The following WWOX variants were observed in gnomAD, a reference collection of about 807,000 sequenced individuals.
WWOX encodes the protein WW domain-containing oxidoreductase.
A neutral mutation model predicts 46.2 loss-of-function variants in WWOX; 69 were observed. The ratio of observed to expected loss-of-function variants is 1.49; its 90% confidence interval spans 1.23 to 1.82. The LOEUF (loss-of-function observed/expected upper bound fraction) is 1.82. WWOX is among the 40% of genes most tolerant of loss of function. The probability of loss-of-function intolerance (pLI) is 0.00; values close to 1 mark genes in which losing one functional copy is unlikely to be tolerated. For synonymous variants in WWOX, 359 were observed against 202.6 expected (o/e 1.77, Z -6.56); for missense variants, 919 against 542.6 (o/e 1.69, Z -6.89).
intron 8 of WWOX, among the ~76,000 whole-genome samples, chr16:78,533,775 G>T (rs1213171106): frequency 2.0e-5 from 3 of 152,154 alleles, no homozygotes; most frequent in African/African-American, 7.2e-5. Context: ...GGATGAAGTT[G>T]TAGGCCCCTC....
intron 5 of WWOX, among the ~76,000 whole-genome samples, chr16:78,363,582 T>A (rs2081462035): frequency 6.6e-6 from 1 of 152,104 alleles, no homozygotes; most frequent in African/African-American, 2.4e-5. Flanking sequence ...CCAGGCCAGT[T>A]TTAACTCAGA....
intron 8 of WWOX, among the ~76,000 whole-genome samples, chr16:78,978,583 CA>C (rs2046618212): frequency 6.6e-6 from 1 of 152,150 alleles, no homozygotes; most frequent in Non-Finnish European, 1.5e-5. Flanking sequence ...CATGATTCTG[CA>C]GGCTGCACAG....
rs2081151049 is a variant in WWOX, at chr16:78,349,580, G to T, written c.517-37280G>T. Among the ~76,000 whole-genome samples the T allele has an allele frequency of 2.5e-5, 3 of 120,276 alleles. 1 individual carries two copies. The highest frequency in any genetic ancestry group is 4.0e-5 in the Non-Finnish European group (2 of 50,412). 78.9% of individuals were successfully genotyped at this position (120,276 alleles called of 152,430 possible). ...CTGACTGTCTTGCCTGGTGCTGCAG[G>T]CCACCTTCACAGCCTTGCCATACCT... On this transcript the variant is annotated intron_variant, in intron 5 of 8. Transcript: ENST00000566780.
chr16:79,207,519 ATT>A (rs1025780939), intron 8 of WWOX, among the ~76,000 whole-genome samples: 2 of 152,182 alleles, frequency 1.3e-5, no homozygotes, highest in Non-Finnish European at 2.9e-5. Flanking sequence ...TTAATTCAGC[ATT>A]TGCTGTGCAA....
chr16:78,920,666 A>G (rs534680376), intron 8 of WWOX, among the ~76,000 whole-genome samples: 38 of 152,218 alleles, frequency 2.5e-4, no homozygotes, highest in Admixed American at 1.9e-3. Context: ...TCTTGGAAAC[A>G]CTCCTTTGTC....
intron 8 of WWOX, among the ~76,000 whole-genome samples, chr16:78,731,132 A>C (rs1162653711): frequency 6.6e-6 from 1 of 152,120 alleles, no homozygotes; most frequent in East Asian, 1.9e-4. Context: ...ATCTGGTTTA[A>C]CTGGGCTGTG....
At chr16:78,941,398 C>G (rs2045848503) in intron 8 of WWOX, among the ~76,000 whole-genome samples, 1 of 152,010 alleles carries the variant, frequency 6.6e-6, no homozygotes, top group African/African-American at 2.4e-5. Context: ...AAAGAAAGCC[C>G]TGGAGACAGA....
intron 8 of WWOX, among the ~76,000 whole-genome samples, chr16:78,730,309 C>G (rs1030294218): frequency 1.3e-5 from 2 of 152,140 alleles, no homozygotes; most frequent in South Asian, 2.1e-4. Flanking sequence ...GCCTCCTTCC[C>G]TCTCTGCCTC....
chr16:78,167,049 C>T (rs1002688427), intron 5 of WWOX: 2 of 152,184 alleles, frequency 1.3e-5, no homozygotes, highest in Non-Finnish European at 2.9e-5. Context: ...ACTATGGTAA[C>T]CTGATTGTAC....
chr16:79,190,657 A>G (rs908666747), intron 8 of WWOX, among the ~76,000 whole-genome samples: 1 of 152,210 alleles, frequency 6.6e-6, no homozygotes, highest in African/African-American at 2.4e-5. Context: ...ATGATTAACT[A>G]CTTGGCATTA....
intron 8 of WWOX, among the ~76,000 whole-genome samples, chr16:79,038,332 A>G (rs752442572): frequency 2.0e-5 from 3 of 152,224 alleles, no homozygotes; most frequent in Non-Finnish European, 2.9e-5. Context: ...AATGAAAAAT[A>G]AGAAGAAAAT....
chr16:78,325,721 G>A (rs921821238), intron 5 of WWOX, among the ~76,000 whole-genome samples: 1 of 152,168 alleles, frequency 6.6e-6, no homozygotes, highest in South Asian at 2.1e-4. Context: ...GTTTTTCATG[G>A]GACTGTAACC....
chr16:79,126,547 G>A (rs975604948), intron 8 of WWOX, among the ~76,000 whole-genome samples: 12 of 152,022 alleles, frequency 7.9e-5, no homozygotes, highest in Non-Finnish European at 1.0e-4. Context: ...CTTCCCCTTC[G>A]TCTTCTGCCA....
In WWOX at chr16:78,588,633, T is replaced by C. The variant is rs187144801; in HGVS notation, c.1056+155881T>C. Reference sequence around the variant, plus strand: ...TGAGGCTCAGAGAAAGTGAGGTCATTGAGTCACTTGAGTTCTTGTTGAGTG... The same window carrying C: ...TGAGGCTCAGAGAAAGTGAGGTCATCGAGTCACTTGAGTTCTTGTTGAGTG... On this transcript the variant is annotated intron_variant, in intron 8 of 8. Transcript: ENST00000566780. 8.9e-4 allele frequency among the ~76,000 whole-genome samples: 136 copies of C among 152,318 alleles called. 2 individuals carry two copies. In the East Asian group the frequency reaches 0.02, roughly 22 times the overall value.
chr16:79,165,653 C>G (rs1410264772), intron 8 of WWOX, among the ~76,000 whole-genome samples: 2 of 152,150 alleles, frequency 1.3e-5, no homozygotes, highest in Non-Finnish European at 2.9e-5. Flanking sequence ...CTGCCTACAG[C>G]TGGTTTTACG....
intron 5 of WWOX, among the ~76,000 whole-genome samples, chr16:78,176,032 C>A (rs1597311226): frequency 6.6e-6 from 1 of 152,148 alleles, no homozygotes; most frequent in South Asian, 2.1e-4. Context: ...CCCGCTTTGG[C>A]ATAAGTTCCT....
At chr16:78,469,525 G>A (rs183709372) in intron 8 of WWOX, among the ~76,000 whole-genome samples, 44 of 152,266 alleles carry the variant, frequency 2.9e-4, no homozygotes, top group Middle Eastern at 3.4e-3. Flanking sequence ...GTTTAAACTA[G>A]ACATTCCCTG....
intron 8 of WWOX, among the ~76,000 whole-genome samples, chr16:78,548,271 C>T (rs1043622000): frequency 1.3e-5 from 2 of 150,760 alleles, no homozygotes; most frequent in Non-Finnish European, 2.9e-5. Flanking sequence ...TCTTCAAAAA[C>T]TTGGCAGTAG....
intron 5 of WWOX, among the ~76,000 whole-genome samples, chr16:78,210,978 AT>A (rs1325852281): frequency 3.3e-5 from 5 of 152,236 alleles, no homozygotes; most frequent in African/African-American, 1.2e-4. Flanking sequence ...GGCTTTAACT[AT>A]GAAACAAATT....
Sources: allele counts gnomAD v4.1 joint callset (sites outside exome capture counted in the v4.1 genomes callset), GRCh38; gene constraint gnomAD v4.1.1; transcripts MANE v1.5; gene names NCBI Gene and HGNC (gene_info 2026-07-23, HGNC 2026-07-21).